ITPR2: variants seen among roughly 807,000 people sequenced by gnomAD.
ITPR2 encodes the protein inositol 1,4,5-trisphosphate receptor type 2, also known as inositol 1,4,5-trisphosphate-gated calcium channel ITPR2.
In ITPR2, 207 loss-of-function variants were observed where a neutral mutation model predicts 317.1. That is an observed-to-expected ratio of 0.65 (90% CI 0.58 to 0.73). The LOEUF is 0.73. Ranked by LOEUF, ITPR2 falls within the 30% of genes least tolerant of loss-of-function variation. The pLI, the probability that ITPR2 is intolerant of heterozygous loss-of-function variation, is 0.00. For missense variants in ITPR2, 2,613 were observed against 3,284.0 expected (o/e 0.80, Z 4.99); for synonymous variants, 1,156 against 1,149.1 (o/e 1.01, Z -0.12).
intron 37 of ITPR2, among the ~76,000 whole-genome samples, chr12:26,504,919 C>G (rs1049038972): frequency 3.0e-4 from 46 of 152,132 alleles, no homozygotes; most frequent in African/African-American, 1.1e-3. Flanking sequence ...CCGTAACACA[C>G]AACTACTTTC....
intron 49 of ITPR2, among the ~76,000 whole-genome samples, chr12:26,420,560 A>G (rs1350550128): frequency 4.6e-5 from 7 of 152,168 alleles, no homozygotes; most frequent in African/African-American, 1.4e-4. Flanking sequence ...TTAACAACAT[A>G]GCAACTAAAA....
At chr12:26,755,869 A>C (rs1949512327) in intron 2 of ITPR2, among the ~76,000 whole-genome samples, 1 of 152,142 alleles carries the variant, frequency 6.6e-6, no homozygotes, top group Non-Finnish European at 1.5e-5. Flanking sequence ...GTAGTAAGTA[A>C]AGAATGTGAC....
chr12:26,618,208 A>G (rs1946413273), intron 26 of ITPR2, among the ~76,000 whole-genome samples: 1 of 152,286 alleles, frequency 6.6e-6, no homozygotes, highest in South Asian at 2.1e-4. Context: ...CATTATTACC[A>G]CTTCTATTTT....
intron 26 of ITPR2, among the ~76,000 whole-genome samples, chr12:26,614,945 T>C (rs1946343503): frequency 6.6e-6 from 1 of 152,212 alleles, no homozygotes; most frequent in South Asian, 2.1e-4. Flanking sequence ...TAATAAATTA[T>C]GGATTTTAGT....
intron 48 of ITPR2, among the ~76,000 whole-genome samples, chr12:26,430,161 C>G (rs1179878065): frequency 6.6e-6 from 1 of 152,184 alleles, no homozygotes; most frequent in Non-Finnish European, 1.5e-5. Flanking sequence ...TTTAAAACAG[C>G]TATTGCCAAT....
At chr12:26,619,153 A>G (rs910443929) in intron 26 of ITPR2, among the ~76,000 whole-genome samples, 4 of 152,246 alleles carry the variant, frequency 2.6e-5, no homozygotes, top group Non-Finnish European at 5.9e-5. Flanking sequence ...TGAGATATTT[A>G]GAGATAGAGA....
chr12:26,728,246 A>G (rs1339609808), intron 2 of ITPR2, among the ~76,000 whole-genome samples: 1 of 152,172 alleles, frequency 6.6e-6, no homozygotes, highest in Non-Finnish European at 1.5e-5. Context: ...AGTTTTGGGT[A>G]GCCGTAGATG....
intron 1 of ITPR2, among the ~76,000 whole-genome samples, chr12:26,810,388 AG>A (rs1033842227): frequency 6.6e-6 from 1 of 152,246 alleles, no homozygotes; most frequent in African/African-American, 2.4e-5. Flanking sequence ...ATGTAAAAAA[AG>A]CCATAAAGTG....
In ITPR2 at chr12:26,338,462, C is replaced by T. The variant is rs1366833918; in HGVS notation, c.*935G>A. On this transcript the variant is annotated 3_prime_UTR_variant, in exon 57 of 57. Coordinates refer to ENST00000381340, the MANE Select transcript of ITPR2 (RefSeq NM_002223.4). ...GAAGCAATTCTTTAAGCACAGCAAACGTTGAGTCAAATGGCTTTCACTCCA... is the reference window on the plus strand; with the variant it reads ...GAAGCAATTCTTTAAGCACAGCAAATGTTGAGTCAAATGGCTTTCACTCCA... 6.6e-6 allele frequency: 1 copy of T among 152,506 alleles called. No individual in the cohort carries two copies. The highest frequency in any genetic ancestry group is 1.5e-5 in the Non-Finnish European group (1 of 68,028). 9.4% of individuals were successfully genotyped at this position (152,506 alleles called of 1,614,324 possible).
chr12:26,706,981 T>C (rs541690960), intron 9 of ITPR2, among the ~76,000 whole-genome samples: 1 of 152,306 alleles, frequency 6.6e-6, no homozygotes, highest in African/African-American at 2.4e-5. Flanking sequence ...ACAGTCCATG[T>C]CTATTATTTT....
At chr12:26,672,252 T>A (rs1183201881) in intron 13 of ITPR2, among the ~76,000 whole-genome samples, 1 of 151,070 alleles carries the variant, frequency 6.6e-6, no homozygotes, top group African/African-American at 2.4e-5. Context: ...TATACATTGT[T>A]TTCAGCACCA....
chr12:26,394,071 C>A (rs1939923987), intron 54 of ITPR2, among the ~76,000 whole-genome samples: 1 of 152,160 alleles, frequency 6.6e-6, no homozygotes, highest in Admixed American at 6.5e-5. Flanking sequence ...GTGTTGAGGG[C>A]AGACCCTCAG....
chr12:26,589,937 T>C (rs886483529), intron 32 of ITPR2, among the ~76,000 whole-genome samples: 2 of 149,898 alleles, frequency 1.3e-5, no homozygotes, highest in African/African-American at 4.9e-5. Flanking sequence ...GGTCATCTGC[T>C]GCCTGAAGTA....
rs544672363 is a variant in ITPR2 at position 26,567,938 on chromosome 12, T to C, written c.4631-5986A>G. Among the ~76,000 whole-genome samples, 320 of 50,946 alleles carry C rather than the reference T, an allele frequency of 6.3e-3. 10 individuals carry two copies. The highest frequency in any genetic ancestry group is 0.021 in the African/African-American group (311 of 14,824). The allele number at this position is 50,946 out of a possible 152,430, so 33.4% of individuals were successfully genotyped here. A position where few individuals can be genotyped will look rare whatever the true frequency, so the allele number is the denominator to read the frequency against. On this transcript the variant is annotated intron_variant, in intron 34 of 56. Transcript: ENST00000381340. ...TTTTACTAAGCTAGAAAAATTCTGG[T>C]ATATATATATATTATATATATATAT...
At chr12:26,579,473 C>T (rs1945345853) in intron 33 of ITPR2, among the ~76,000 whole-genome samples, 1 of 152,024 alleles carries the variant, frequency 6.6e-6, no homozygotes, top group African/African-American at 2.4e-5. Flanking sequence ...TTGGATAATA[C>T]TATAATGGAA....
intron 2 of ITPR2, among the ~76,000 whole-genome samples, chr12:26,751,473 C>A (rs190261416): frequency 6.6e-6 from 1 of 152,112 alleles, no homozygotes; most frequent in African/African-American, 2.4e-5. Context: ...TCAGGGGGAA[C>A]GAGATCAATT....
chr12:26,554,011 C>T (rs142712763), intron 36 of ITPR2, among the ~76,000 whole-genome samples: 1 of 152,240 alleles, frequency 6.6e-6, no homozygotes, highest in East Asian at 1.9e-4. Context: ...ACTTCATGTG[C>T]GTGTGGGATC....
At chr12:26,815,405 T>C (rs1019645138) in intron 1 of ITPR2, among the ~76,000 whole-genome samples, 1 of 152,196 alleles carries the variant, frequency 6.6e-6, no homozygotes, top group Non-Finnish European at 1.5e-5. Context: ...GATATTCTAA[T>C]GGTTCCAAAA....
At chr12:26,759,793 C>A (rs1404248937) in intron 2 of ITPR2, among the ~76,000 whole-genome samples, 4 of 152,088 alleles carry the variant, frequency 2.6e-5, no homozygotes, top group African/African-American at 9.7e-5. Flanking sequence ...TTCGGCTAAG[C>A]CCAAGCAAAG....
Sources: allele counts gnomAD v4.1 joint callset (sites outside exome capture counted in the v4.1 genomes callset), GRCh38; gene constraint gnomAD v4.1.1; transcripts MANE v1.5; gene names NCBI Gene and HGNC (gene_info 2026-07-23, HGNC 2026-07-21).